Variants in SPEF2 observed in about 807,000 individuals in gnomAD.
SPEF2 encodes sperm flagella and cilia-associated protein 2.
A neutral mutation model predicts 224.6 loss-of-function variants in SPEF2; 187 were observed. The ratio of observed to expected loss-of-function variants is 0.83; its 90% CI spans 0.74 to 0.94. SPEF2 has a LOEUF of 0.94. Ranked by LOEUF, SPEF2 falls within the 40% of genes least tolerant of loss-of-function variation. The probability of loss-of-function intolerance (pLI) is 0.00; values close to 1 mark genes in which losing one functional copy is unlikely to be tolerated. For missense variants in SPEF2, 2,170 were observed against 2,135.6 expected (o/e 1.02, Z -0.32); for synonymous variants, 715 against 707.3 (o/e 1.01, Z -0.17).
chr5:35,767,846 T>C (rs1225635815), intron 26 of SPEF2, among the ~76,000 whole-genome samples: 2 of 152,126 alleles, frequency 1.3e-5, no homozygotes, highest in African/African-American at 4.8e-5. Context: ...TGTGATGATC[T>C]CCACTTGCCA....
intron 8 of SPEF2, among the ~76,000 whole-genome samples, chr5:35,662,215 G>T (rs866874375): frequency 6.6e-6 from 1 of 151,936 alleles, no homozygotes; most frequent in African/African-American, 2.4e-5. Flanking sequence ...TTAGCCATTT[G>T]TATGTCTTCT....
At chr5:35,761,065 A>G (rs917364347) in intron 25 of SPEF2, among the ~76,000 whole-genome samples, 2 of 152,160 alleles carry the variant, frequency 1.3e-5, no homozygotes, top group African/African-American at 4.8e-5. Flanking sequence ...TTAAATCTCC[A>G]AGGGGATAAG....
intron 1 of SPEF2, among the ~76,000 whole-genome samples, chr5:35,624,901 C>T (rs1744023371): frequency 6.6e-6 from 1 of 152,224 alleles, no homozygotes; most frequent in South Asian, 2.1e-4. Context: ...TCCCAAAGTG[C>T]TGAGATTACA....
intron 33 of SPEF2, among the ~76,000 whole-genome samples, chr5:35,798,901 T>G (rs753572101): frequency 6.6e-6 from 1 of 152,202 alleles, no homozygotes; most frequent in Admixed American, 6.5e-5. Flanking sequence ...CTGGCCTCTC[T>G]CATTTCTTTG....
rs1027515433 is a variant in SPEF2, at chr5:35,628,500, A to C, written c.99A>C (p.Leu33=). ...CAAAGGCATTTTCCAGTGGCTATCT[A>C]CTTGGAGAAGTTCTACACAAGTTTG... The part of the protein sequence containing the change: ...SFAKAFSSGY[L]LGEVLHKFEL... Residue 33 remains leucine, a synonymous_variant, in exon 2 of 37, where the codon CTA becomes CTC. Coordinates refer to ENST00000356031, the MANE Select transcript of SPEF2 (RefSeq NM_024867.4). 3 of 1,614,066 alleles carry C rather than the reference A, an allele frequency of 1.9e-6. No individual in the cohort carries two copies. Among genetic ancestry groups the C allele is most frequent in the African/African-American group, 1.3e-5 (1 of 75,042 alleles).
At chr5:35,736,538 A>G (rs1177902154) in intron 21 of SPEF2, among the ~76,000 whole-genome samples, 1 of 152,130 alleles carries the variant, frequency 6.6e-6, no homozygotes, top group Non-Finnish European at 1.5e-5. Context: ...CCATCATGTC[A>G]CATGAGAACT....
chr5:35,720,590 G>T (rs979836234), intron 20 of SPEF2, among the ~76,000 whole-genome samples: 4 of 152,166 alleles, frequency 2.6e-5, no homozygotes, highest in Non-Finnish European at 2.9e-5. Flanking sequence ...TTAGAAACAT[G>T]ATTGACAAAG....
chr5:35,617,900 A>G lies in SPEF2; in HGVS notation c.-98A>G. The G allele has an allele frequency of 8.5e-7, 1 of 1,182,716 alleles. No homozygotes were observed. The highest frequency in any genetic ancestry group is 1.2e-6 in the Non-Finnish European group (1 of 810,716). The allele number at this position is 1,182,716 out of a possible 1,614,324, so 73.3% of individuals were successfully genotyped here. On this transcript the variant is annotated 5_prime_UTR_variant, in exon 1 of 37. Coordinates refer to ENST00000356031, the MANE Select transcript of SPEF2 (RefSeq NM_024867.4). ...TCCAGCCTGGATACGCTTCCATAGCAAAGGGTTGCCCTTGGCTACAGGAGG... is the reference window on the plus strand; with the variant it reads ...TCCAGCCTGGATACGCTTCCATAGCGAAGGGTTGCCCTTGGCTACAGGAGG...
At chr5:35,731,951 G>T (rs1252376871) in intron 21 of SPEF2, among the ~76,000 whole-genome samples, 1 of 152,182 alleles carries the variant, frequency 6.6e-6, no homozygotes, top group Non-Finnish European at 1.5e-5. Flanking sequence ...AAAACTAGAT[G>T]CAGGCAAATG....
intron 16 of SPEF2, among the ~76,000 whole-genome samples, chr5:35,701,424 T>C (rs1179494886): frequency 1.3e-5 from 2 of 152,298 alleles, no homozygotes; most frequent in Non-Finnish European, 2.9e-5. Context: ...TTATGGGTAT[T>C]AAATGAGCTC....
rs1756211662 is a variant in SPEF2 at position 35,793,315 on chromosome 5, A to G, written c.4711A>G (p.Thr1571Ala). 1 of 1,613,840 alleles carries G rather than the reference A, an allele frequency of 6.2e-7. No homozygotes were observed. The highest frequency in any genetic ancestry group is 8.5e-7 in the Non-Finnish European group (1 of 1,179,966). The change falls in exon 32 of 37, where the codon ACC becomes GCC. Residue 1571 changes from threonine (T) to alanine (A), a missense_variant. Coordinates refer to ENST00000356031, the MANE Select transcript of SPEF2 (RefSeq NM_024867.4). ...GGCTGTGGATAAGGAGCAGTTGGGC[A>G]CCATCACTTTTGAGCAGTATATGCA... ...FKAVDKEQLGTITFEQYMQAG... is the reference protein window; with the variant it reads ...FKAVDKEQLGAITFEQYMQAG...
chr5:35,684,781 G>T (rs978083302), intron 10 of SPEF2, among the ~76,000 whole-genome samples: 2 of 152,162 alleles, frequency 1.3e-5, no homozygotes, highest in African/African-American at 2.4e-5. Context: ...TTAAGCCTAA[G>T]ACTGTTGCCT....
intron 33 of SPEF2, among the ~76,000 whole-genome samples, chr5:35,798,115 C>T (rs994710695): frequency 6.6e-6 from 1 of 152,200 alleles, no homozygotes; most frequent in Non-Finnish European, 1.5e-5. Context: ...CCACAATCAG[C>T]TTCACCTAGA....
intron 21 of SPEF2, among the ~76,000 whole-genome samples, chr5:35,737,980 T>A (rs907511859): frequency 8.5e-5 from 13 of 152,340 alleles, no homozygotes; most frequent in Non-Finnish European, 1.5e-4. Flanking sequence ...ATGAGCATTT[T>A]TTCATGTGTC....
rs1758496950 is a variant in SPEF2 at position 35,810,985 on chromosome 5, T to C, written c.5380-3479T>C. Reference sequence around the variant, plus strand: ...CCACCCAGGGGACTCATTTGTATGATGGTCCATCAAGAAGAGTTGTGCCTG... The same window carrying C: ...CCACCCAGGGGACTCATTTGTATGACGGTCCATCAAGAAGAGTTGTGCCTG... On this transcript the variant is annotated intron_variant, in intron 36 of 36. Coordinates refer to ENST00000356031, the MANE Select transcript of SPEF2 (RefSeq NM_024867.4). Among the ~76,000 whole-genome samples, 4 of 152,108 alleles carry C rather than the reference T, an allele frequency of 2.6e-5. No individual in the cohort carries two copies. In the South Asian group the frequency reaches 8.3e-4, roughly 32 times the overall value.
chr5:35,650,018 GT>G (rs1190687059), intron 6 of SPEF2, among the ~76,000 whole-genome samples: 4 of 152,064 alleles, frequency 2.6e-5, no homozygotes, highest in Non-Finnish European at 5.9e-5. Context: ...AACAACTTGG[GT>G]TTTTTTATAT....
intron 20 of SPEF2, among the ~76,000 whole-genome samples, chr5:35,727,057 G>T (rs1264196620): frequency 7.4e-6 from 1 of 135,464 alleles, no homozygotes; most frequent in Non-Finnish European, 1.5e-5. Flanking sequence ...CTCATGACTT[G>T]ATTCTGCCAG....
Position 35,740,283 on chromosome 5 carries a change from C to T in SPEF2, c.3330+16C>T, listed in dbSNP as rs540335885. 2.5e-6 allele frequency: 4 copies of T among 1,613,368 alleles called. No individual in the cohort carries two copies. In the South Asian group the frequency reaches 4.4e-5, roughly 18 times the overall value. On this transcript the variant is annotated intron_variant, in intron 23 of 36. Transcript: ENST00000356031. ...ACGAGTGAATGTAAGGAAATAGTGA[C>T]CTATTGGGACAGGGTTAGCTGGCTT... is the stretch of plus-strand genomic sequence containing the variant.
intron 21 of SPEF2, among the ~76,000 whole-genome samples, chr5:35,739,033 G>A (rs1287868599): frequency 2.0e-5 from 3 of 152,018 alleles, no homozygotes; most frequent in Non-Finnish European, 4.4e-5. Flanking sequence ...CTGATACCTC[G>A]TCTTTCTCAG....
Sources: allele counts gnomAD v4.1 joint callset (sites outside exome capture counted in the v4.1 genomes callset), GRCh38; gene constraint gnomAD v4.1.1; transcripts MANE v1.5; gene names NCBI Gene and HGNC (gene_info 2026-07-23, HGNC 2026-07-21).